The following EVC2 variants were observed in gnomAD, a reference collection of about 807,000 sequenced individuals.
The protein encoded by EVC2 is limbin.
In EVC2, 148 loss-of-function variants were observed where a neutral mutation model predicts 149.3. The observed-to-expected ratio is 0.99, with a 90% CI of 0.87 to 1.14. The LOEUF (loss-of-function observed/expected upper bound fraction) is 1.14. Ranked by LOEUF, EVC2 falls within the 50% of genes most tolerant of loss-of-function variation. The pLI is 0.00. For missense variants in EVC2, 1,854 were observed against 1,627.3 expected (o/e 1.14, Z -2.40); for synonymous variants, 776 against 649.9 (o/e 1.19, Z -2.95).
At chr4:5,602,011 A>G (rs1214257804) in intron 16 of EVC2, among the ~76,000 whole-genome samples, 1 of 152,210 alleles carries the variant, frequency 6.6e-6, no homozygotes, top group Non-Finnish European at 1.5e-5. Flanking sequence ...ATGGTGGCTC[A>G]TGCCTATAAT....
At chr4:5,599,024 C>G (rs564149007) in intron 16 of EVC2, among the ~76,000 whole-genome samples, 5,689 of 152,042 alleles carry the variant, frequency 0.037, 357 homozygotes, top group African/African-American at 0.13. Flanking sequence ...AAATGAGATA[C>G]CATCTCACAC....
In EVC2 at chr4:5,562,721, G is replaced by A. The variant is rs778202555; in HGVS notation, c.*127C>T. The stretch of plus-strand genomic sequence containing the variant: ...GTCCCTGCAAGTTGGCATGCGCTAC[G>A]GGGTCTGTGCCTTCTGCATGTGCAA... On this transcript the variant is annotated 3_prime_UTR_variant, in exon 22 of 22. Coordinates refer to ENST00000344408, the MANE Select transcript of EVC2 (RefSeq NM_147127.5). This position sits in a 1 kb window ranked among gnomAD's most constrained non-coding sequence, Gnocchi z 4.3. The A allele has an allele frequency of 1.3e-5, 20 of 1,578,120 alleles. No individual in the cohort carries two copies. The highest frequency in any genetic ancestry group is 1.8e-5 in the Admixed American group (1 of 57,050).
intron 5 of EVC2, 81 bp downstream of exon 5, chr4:5,689,076 C>G: frequency 1.3e-6 from 2 of 1,508,646 alleles, no homozygotes; most frequent in Non-Finnish European, 1.8e-6. Flanking sequence ...AAGAACATGC[C>G]TGACCCAGAA....
chr4:5,539,595 T>C (rs1490466887), downstream of EVC2, among the ~76,000 whole-genome samples: 2 of 152,042 alleles, frequency 1.3e-5, no homozygotes, highest in African/African-American at 2.4e-5. Flanking sequence ...AACAAATAGA[T>C]CAATTAAACA....
At chr4:5,597,393 G>T (rs1379776874) in intron 16 of EVC2, among the ~76,000 whole-genome samples, 1 of 152,064 alleles carries the variant, frequency 6.6e-6, no homozygotes, top group African/African-American at 2.4e-5. Flanking sequence ...TTCATCCCTG[G>T]GATGGAAGGC....
intron 16 of EVC2, among the ~76,000 whole-genome samples, chr4:5,608,949 T>A (rs1256000797): frequency 6.6e-6 from 1 of 152,172 alleles, no homozygotes; most frequent in East Asian, 1.9e-4. Flanking sequence ...GGGTGAATTC[T>A]CTTTCTCTTC....
In EVC2 at chr4:5,577,070, C is replaced by A. The variant is rs774537790; in HGVS notation, c.3058-616G>T. Among the ~76,000 whole-genome samples the A allele has an allele frequency of 5.3e-5, 8 of 152,246 alleles. No homozygotes were observed. The East Asian group carries it at 1.2e-3, about 22-fold the overall frequency. On this transcript the variant is annotated intron_variant, in intron 17 of 21. Coordinates refer to ENST00000344408, the MANE Select transcript of EVC2 (RefSeq NM_147127.5). ...AGGGTGCCGAGCACTGCTCTGTGTA[C>A]TTTCCATACGTGAATCTCACTGAAC... is the stretch of plus-strand genomic sequence containing the variant.
At chr4:5,539,044 G>A (rs954763317), downstream of EVC2, among the ~76,000 whole-genome samples, 1 of 152,068 alleles carries the variant, frequency 6.6e-6, no homozygotes, top group Non-Finnish European at 1.5e-5. Context: ...TGTCTAAATA[G>A]AAAACCTGAT....
intron 17 of EVC2, among the ~76,000 whole-genome samples, chr4:5,583,186 A>C (rs1004625388): frequency 1.3e-5 from 2 of 152,170 alleles, no homozygotes; most frequent in Admixed American, 6.5e-5. Context: ...TGTTAAACCA[A>C]CCTTATATTT....
In EVC2 at chr4:5,622,246, A is replaced by T. The variant is rs1194355899; in HGVS notation, c.2501+291T>A. ...CTGGAGTTATTAACCCCAGGGAATT[A>T]TTCAGACAAGGCAATCACATTTTCC... On this transcript the variant is annotated intron_variant, in intron 14 of 21. Transcript: ENST00000344408. This position sits in a 1 kb window ranked among gnomAD's most constrained non-coding sequence, Gnocchi z 5.8. Among the ~76,000 whole-genome samples, 1 of 151,952 alleles carries T rather than the reference A, an allele frequency of 6.6e-6. No homozygotes were observed. Among genetic ancestry groups the T allele is most frequent in the Admixed American group, 6.5e-5 (1 of 15,268 alleles).
At chr4:5,574,910 C>T (rs1722829918) in intron 18 of EVC2, 138 bp from the exon 19 acceptor site, 2 of 908,142 alleles carry the variant, frequency 2.2e-6, no homozygotes, top group South Asian at 2.9e-5. Context: ...AAGAGATGGC[C>T]AGAAAGACTG....
At chr4:5,604,145 G>T (rs1560157459) in intron 16 of EVC2, among the ~76,000 whole-genome samples, 1 of 152,210 alleles carries the variant, frequency 6.6e-6, no homozygotes, top group Non-Finnish European at 1.5e-5. Context: ...CATGCAGAGG[G>T]TCTAGGATTG....
At chr4:5,658,927 G>C (rs377089025) in intron 9 of EVC2, among the ~76,000 whole-genome samples, 23 of 152,152 alleles carry the variant, frequency 1.5e-4, no homozygotes, top group African/African-American at 4.3e-4. Context: ...GTCCTGCCCA[G>C]TTCCTCCCTC....
downstream of EVC2, among the ~76,000 whole-genome samples, chr4:5,540,388 G>T (rs898698934): frequency 3.3e-5 from 5 of 152,226 alleles, no homozygotes; most frequent in African/African-American, 1.2e-4. Flanking sequence ...AACGTTTGCA[G>T]CAGGTTTATT....
chr4:5,654,689 GTGCATGGTTAATCCA>G lies in EVC2; in HGVS notation c.1145+8403_1145+8417del, dbSNP rs369757522. On this transcript the variant is annotated intron_variant, in intron 9 of 21. Coordinates refer to ENST00000344408, the MANE Select transcript of EVC2 (RefSeq NM_147127.5). ...TATGGAACATAGGCTTGGCCTGGGC[GTGCATGGTTAATCCA>G]TGCATGGTTAATCCACGTCCAGGGG... Among the ~76,000 whole-genome samples the G allele has an allele frequency of 5.3e-4, 80 of 152,312 alleles. 1 individual carries two copies. Among genetic ancestry groups the G allele is most frequent in the African/African-American group, 1.8e-3 (76 of 41,568 alleles).
At chr4:5,605,421 G>A (rs1325958133) in intron 16 of EVC2, among the ~76,000 whole-genome samples, 1 of 152,198 alleles carries the variant, frequency 6.6e-6, no homozygotes. Context: ...CCCGTGATGT[G>A]TGAGGGGTCA....
At position 5,657,658 on chromosome 4, in the gene EVC2, CAGCAAGCAAGA is replaced by C. The variant is rs149610005; in HGVS notation, c.1145+5438_1145+5448del. Among the ~76,000 whole-genome samples the C allele has an allele frequency of 0.019, 2,856 of 150,992 alleles. 143 individuals are homozygous for C. The highest frequency in any genetic ancestry group is 0.13 in the East Asian group (666 of 5,104). ...ACTGTTGGAGGCACTGGGGATGAAT[CAGCAAGCAAGA>C]CAGAAGGTCCCTGCACTCACATAAC... On this transcript the variant is annotated intron_variant, in intron 9 of 21. Transcript: ENST00000344408. This position sits in a 1 kb window ranked among gnomAD's most constrained non-coding sequence, Gnocchi z 4.7.
At chr4:5,697,733 G>C in intron 1 of EVC2, 86 bp from the exon 2 acceptor site, 1 of 1,252,232 alleles carries the variant, frequency 8.0e-7, no homozygotes, top group African/African-American at 1.5e-5. Context: ...GACTCACATG[G>C]AGAGGACATG....
intron 16 of EVC2, among the ~76,000 whole-genome samples, chr4:5,607,792 A>C (rs2108818296): frequency 6.6e-6 from 1 of 152,252 alleles, no homozygotes; most frequent in East Asian, 1.9e-4. Flanking sequence ...TGCTTACCTG[A>C]AACTGTGAAC....
Sources: gnomAD v4.1 joint callset for allele counts (sites outside exome capture counted in the v4.1 genomes callset) on GRCh38, gnomAD v4.1.1 for gene constraint, Gnocchi (gnomAD v3.1) non-coding constraint, MANE v1.5 for transcripts, NCBI Gene and HGNC (gene_info 2026-07-23, HGNC 2026-07-21) for gene names.